The following PLEKHH2 variants were observed in gnomAD, a reference collection of about 807,000 sequenced individuals.
PLEKHH2 encodes the protein pleckstrin homology domain-containing family H member 2.
PLEKHH2 carries 129 observed loss-of-function variants against 187.9 expected under a neutral mutation model. The observed-to-expected ratio is 0.69, with a 90% CI of 0.59 to 0.79. The LOEUF (loss-of-function observed/expected upper bound fraction) is 0.79. Ranked by LOEUF, PLEKHH2 falls within the 30% of genes least tolerant of loss-of-function variation. PLEKHH2 has a pLI of 0.00. For missense variants in PLEKHH2, 2,076 were observed against 1,751.2 expected, an observed-to-expected ratio of 1.19 and a Z score of -3.31; for synonymous variants, 686 against 605.6, an observed-to-expected ratio of 1.13 and a Z score of -1.95.
rs1671405084 is a variant in PLEKHH2 at position 43,738,487 on chromosome 2, A to T, written c.3090A>T (p.Arg1030=). 2 of 1,613,418 alleles carry T rather than the reference A, an allele frequency of 1.2e-6. No individual in the cohort carries two copies. The highest frequency in any genetic ancestry group is 2.7e-5 in the African/African-American group (2 of 74,926). The change falls in exon 20 of 30, where the codon CGA becomes CGT. Residue 1030 remains arginine (R), a synonymous_variant. Transcript: ENST00000282406. ...GTCAGCTTATTAAACAGACAAGACG[A>T]AGACAGCCACAGAATCAACCAGGAC... ...ICCQLIKQTR[R]RQPQNQPGPL...
In PLEKHH2 at chr2:43,765,692, A is replaced by G; in HGVS notation, c.*94A>G. ...GTTTACACCTGGCAGCACGGCAGCC[A>G]CACACCGGTATTCCAAACCTTAACA... On this transcript the variant is annotated 3_prime_UTR_variant, in exon 30 of 30. Transcript: ENST00000282406. The G allele has an allele frequency of 2.5e-6, 3 of 1,214,258 alleles. No homozygotes were observed. The highest frequency in any genetic ancestry group is 3.4e-6 in the Non-Finnish European group (3 of 882,216). The allele number at this position is 1,214,258 out of a possible 1,614,324, so 75.2% of individuals were successfully genotyped here.
intron 3 of PLEKHH2, among the ~76,000 whole-genome samples, chr2:43,690,616 T>G (rs1283520821): frequency 6.6e-6 from 1 of 152,240 alleles, no homozygotes. Context: ...ATCTTAACTA[T>G]CATCTTTAAT....
At chr2:43,716,804 T>C (rs1488286541) in intron 15 of PLEKHH2, among the ~76,000 whole-genome samples, 1 of 152,194 alleles carries the variant, frequency 6.6e-6, no homozygotes, top group Admixed American at 6.5e-5. Flanking sequence ...TATGTGAAAA[T>C]AGAGGGAATA....
At chr2:43,680,936 G>T in intron 3 of PLEKHH2, 2 of 816,076 alleles carry the variant, frequency 2.5e-6, no homozygotes, top group Non-Finnish European at 1.9e-6. Context: ...GGCCACTTTA[G>T]TTGCAATTAT....
intron 2 of PLEKHH2, among the ~76,000 whole-genome samples, chr2:43,676,489 G>C (rs776039276): frequency 6.6e-5 from 10 of 151,864 alleles, no homozygotes; most frequent in South Asian, 6.3e-4. Flanking sequence ...AGCGGGACGC[G>C]GCGGCCACTG....
chr2:43,671,140 C>T (rs1313981511), intron 2 of PLEKHH2, among the ~76,000 whole-genome samples: 1 of 152,018 alleles, frequency 6.6e-6, no homozygotes, highest in Non-Finnish European at 1.5e-5. Flanking sequence ...GCACCTGCCA[C>T]CACGACCAGC....
chr2:43,729,585 TC>T, intron 17 of PLEKHH2, 51 bp from the exon 18 acceptor site: 14 of 1,287,636 alleles, frequency 1.1e-5, no homozygotes, highest in Non-Finnish European at 1.4e-5. Flanking sequence ...TGTTTTTTTT[TC>T]TTTAATCAAA....
Position 43,654,712 on chromosome 2 carries a change from C to T in PLEKHH2, c.123+9916C>T, listed in dbSNP as rs1003099970. ...GGGCAACATAGTAAGACACCCCCCCCCCCCGCATCTCTACCAAAAAATTAA... is the reference window on the plus strand; with the variant it reads ...GGGCAACATAGTAAGACACCCCCCCTCCCCGCATCTCTACCAAAAAATTAA... On this transcript the variant is annotated intron_variant, in intron 2 of 29. Transcript: ENST00000282406. 1.4e-3 allele frequency among the ~76,000 whole-genome samples: 129 copies of T among 95,354 alleles called. 1 individual carries two copies. The highest frequency in any genetic ancestry group is 4.9e-3 in the African/African-American group (122 of 24,992). 62.6% of individuals were successfully genotyped at this position (95,354 alleles called of 152,430 possible). A position where few individuals can be genotyped will look rare whatever the true frequency, so the allele number is the denominator to read the frequency against.
chr2:43,761,708 G>A (rs1165560654), intron 27 of PLEKHH2, among the ~76,000 whole-genome samples: 1 of 151,954 alleles, frequency 6.6e-6, no homozygotes, highest in Non-Finnish European at 1.5e-5. Flanking sequence ...ACAACACCCA[G>A]TCAATTTCGT....
At chr2:43,749,108 C>CT (rs1558615954) in intron 24 of PLEKHH2, among the ~76,000 whole-genome samples, 1 of 152,146 alleles carries the variant, frequency 6.6e-6, no homozygotes, top group Admixed American at 6.5e-5. Flanking sequence ...CATACCAACT[C>CT]TGAGTATGAT....
At chr2:43,645,326 G>C (rs1666132777) in intron 2 of PLEKHH2, among the ~76,000 whole-genome samples, 1 of 152,068 alleles carries the variant, frequency 6.6e-6, no homozygotes, top group African/African-American at 2.4e-5. Flanking sequence ...TTTTTTGCAA[G>C]TATGTGTATA....
intron 25 of PLEKHH2, among the ~76,000 whole-genome samples, chr2:43,754,869 C>CTTT (rs3066318): frequency 0.015 from 1,581 of 108,686 alleles, 80 homozygotes; most frequent in African/African-American, 0.046. Context: ...TTAAAATCAA[C>CTTT]TTTTTTTTTT....
intron 16 of PLEKHH2, among the ~76,000 whole-genome samples, chr2:43,725,160 A>G (rs1345588707): frequency 2.0e-5 from 3 of 152,156 alleles, no homozygotes; most frequent in African/African-American, 7.2e-5. Flanking sequence ...CTATCTGTAC[A>G]GAGCAGAGTT....
intron 2 of PLEKHH2, among the ~76,000 whole-genome samples, chr2:43,673,584 T>A (rs1352054150): frequency 6.6e-6 from 1 of 152,220 alleles, no homozygotes; most frequent in Non-Finnish European, 1.5e-5. Context: ...AAATTATTCA[T>A]AAAAATAACA....
chr2:43,676,370 CG>C (rs765344755), intron 2 of PLEKHH2: 1 of 1,484,870 alleles, frequency 6.7e-7, no homozygotes, highest in South Asian at 1.3e-5. Flanking sequence ...AGCCTGGGAC[CG>C]GGTCCTGGGG....
At chr2:43,711,413 C>A in intron 14 of PLEKHH2, 1 of 982,392 alleles carries the variant, frequency 1.0e-6, no homozygotes, top group Non-Finnish European at 1.2e-6. Context: ...TAATTTGAGA[C>A]TGGAACATTC....
At position 43,712,735 on chromosome 2, in the gene PLEKHH2, A is replaced by T. The variant is rs138178282; in HGVS notation, c.2460+352A>T. Among the ~76,000 whole-genome samples, 71 of 152,280 alleles carry T rather than the reference A, an allele frequency of 4.7e-4. No individual in the cohort carries two copies. In the East Asian group the frequency reaches 0.013, roughly 27 times the overall value. ...ATCAGTAAGCAAACAATGAACACCA[A>T]TTGGGGGAAAAGGAACAAAAGACTC... On this transcript the variant is annotated intron_variant, in intron 15 of 29. Coordinates refer to ENST00000282406, the MANE Select transcript of PLEKHH2 (RefSeq NM_172069.4).
At chr2:43,666,299 C>A (rs1667202908) in intron 2 of PLEKHH2, among the ~76,000 whole-genome samples, 1 of 151,330 alleles carries the variant, frequency 6.6e-6, no homozygotes, top group Non-Finnish European at 1.5e-5. Flanking sequence ...CCTTGCGCTT[C>A]CCAGGTAAGG....
At chr2:43,747,001 A>G (rs901922482) in intron 24 of PLEKHH2, among the ~76,000 whole-genome samples, 4 of 151,298 alleles carry the variant, frequency 2.6e-5, no homozygotes, top group Non-Finnish European at 2.9e-5. Context: ...CCTATGTCCT[A>G]TGTTTGCCTC....
Sources: gnomAD v4.1 joint callset for allele counts (sites outside exome capture counted in the v4.1 genomes callset) on GRCh38, gnomAD v4.1.1 for gene constraint, MANE v1.5 for transcripts, NCBI Gene and HGNC (gene_info 2026-07-23, HGNC 2026-07-21) for gene names.